CREBBP: variants seen among roughly 807,000 people sequenced by gnomAD.
CREBBP encodes the protein CREB binding lysine acetyltransferase.
A neutral mutation model predicts 265.0 loss-of-function variants in CREBBP; 19 were observed. The observed-to-expected ratio is 0.07, with a 90% CI of 0.05 to 0.11. CREBBP has a LOEUF of 0.11. Ranked by LOEUF, CREBBP falls within the 10% of genes least tolerant of loss-of-function variation. The pLI is 1.00. For synonymous variants in CREBBP, 1,457 were observed against 1,223.7 expected (o/e 1.19, Z -3.98); for missense variants, 2,525 against 3,219.0 (o/e 0.78, Z 5.22).
chr16:3,879,718 C>G (rs1208206274), intron 1 of CREBBP, 114 bp downstream of exon 1: 1 of 1,148,102 alleles, frequency 8.7e-7, no homozygotes, highest in African/African-American at 1.5e-5. Flanking sequence ...GCTGCGGGGC[C>G]TGCTCCGAGC....
chr16:3,873,403 G>T (rs897014868), intron 1 of CREBBP, among the ~76,000 whole-genome samples: 3 of 152,170 alleles, frequency 2.0e-5, no homozygotes, highest in Non-Finnish European at 4.4e-5. Flanking sequence ...TCCCGGCTAT[G>T]TATCTGCTGA....
Position 3,739,658 on chromosome 16 carries a change from C to T in CREBBP, c.4200G>A (p.Glu1400=), listed in dbSNP as rs1442602590. Residue 1400 remains glutamate, a synonymous_variant, in exon 25 of 31, where the codon GAG becomes GAA. Coordinates refer to ENST00000262367, the MANE Select transcript of CREBBP (RefSeq NM_004380.3). ...AGCAGACATCCACGCCGTCAATTTC[C>T]TCAAAAGCAAACAGAGCTTTGGTTC... ...PYRTKALFAF[E]EIDGVDVCFF... 3.7e-6 allele frequency: 6 copies of T among 1,614,082 alleles called. No homozygotes were observed. The East Asian group carries it at 8.9e-5, about 24-fold the overall frequency.
intron 16 of CREBBP, among the ~76,000 whole-genome samples, chr16:3,764,059 T>G (rs1332421013): frequency 6.6e-6 from 1 of 152,156 alleles, no homozygotes; most frequent in African/African-American, 2.4e-5. Context: ...AACTCTACTG[T>G]TATCACACAC....
At chr16:3,849,196 G>A (rs1004623108) in intron 2 of CREBBP, among the ~76,000 whole-genome samples, 1 of 142,070 alleles carries the variant, frequency 7.0e-6, no homozygotes, top group Admixed American at 7.5e-5. Context: ...TGTCACTTCA[G>A]TGGGAATAGG....
intron 26 of CREBBP, among the ~76,000 whole-genome samples, chr16:3,738,196 C>T (rs1221042975): frequency 6.6e-6 from 1 of 151,416 alleles, no homozygotes; most frequent in East Asian, 1.9e-4. Flanking sequence ...AGGTCAATAA[C>T]AATGTTCTGA....
At chr16:3,814,246 T>A (rs1434326235) in intron 2 of CREBBP, among the ~76,000 whole-genome samples, 2 of 149,990 alleles carry the variant, frequency 1.3e-5, no homozygotes, top group African/African-American at 4.9e-5. Context: ...TGTGTGTGTG[T>A]GTGTGTGTGT....
intron 7 of CREBBP, 109 bp from the exon 8 acceptor site, chr16:3,780,987 G>T: frequency 7.8e-7 from 1 of 1,276,124 alleles, no homozygotes; most frequent in Non-Finnish European, 1.1e-6. Flanking sequence ...TTTAAGTCAG[G>T]AGAGCCAAGT....
chr16:3,849,454 T>TGTGTGTG lies in CREBBP; in HGVS notation c.798+836_798+842dup, dbSNP rs1567360843. On this transcript the variant is annotated intron_variant, in intron 2 of 30. Coordinates refer to ENST00000262367, the MANE Select transcript of CREBBP (RefSeq NM_004380.3). ...GTGTGTGTGTGTGTGTGTGTGTGTG[T>TGTGTGTG]GTGTGTGTGTGTGTGTGTGTGTGTG... Among the ~76,000 whole-genome samples, 10 of 90,324 alleles carry TGTGTGTG rather than the reference T, an allele frequency of 1.1e-4. 1 individual carries two copies. Among genetic ancestry groups the TGTGTGTG allele is most frequent in the Non-Finnish European group, 2.1e-4 (8 of 37,728 alleles). 59.3% of individuals were successfully genotyped at this position (90,324 alleles called of 152,430 possible).
chr16:3,849,196 G>C (rs1004623108), intron 2 of CREBBP, among the ~76,000 whole-genome samples: 1 of 142,070 alleles, frequency 7.0e-6, no homozygotes, highest in Non-Finnish European at 1.5e-5. Context: ...TGTCACTTCA[G>C]TGGGAATAGG....
chr16:3,729,071 C>A lies in CREBBP; in HGVS notation c.5976G>T (p.Gly1992=). ...TCAGGCTCACGGGGGCCATCTGGCTCCCCGGGGTCCCCATGCCCGTGCGTC... is the reference window on the plus strand; with the variant it reads ...TCAGGCTCACGGGGGCCATCTGGCTACCCGGGGTCCCCATGCCCGTGCGTC... The part of the protein sequence containing the change: ...PPGRTGMGTP[G]SQMAPVSLNV... Residue 1992 remains glycine, a synonymous_variant, in exon 31 of 31, where the codon GGG becomes GGT. Coordinates refer to ENST00000262367, the MANE Select transcript of CREBBP (RefSeq NM_004380.3). The A allele has an allele frequency of 6.3e-7, 1 of 1,583,326 alleles. No homozygotes were observed. Among genetic ancestry groups the A allele is most frequent in the African/African-American group, 1.3e-5 (1 of 74,484 alleles).
intron 1 of CREBBP, among the ~76,000 whole-genome samples, chr16:3,861,684 T>C (rs1423961989): frequency 2.0e-5 from 3 of 149,378 alleles, no homozygotes; most frequent in Non-Finnish European, 4.4e-5. Flanking sequence ...AGAGAAAAGC[T>C]GTTTTATTAA....
chr16:3,838,954 C>A (rs190529536), intron 2 of CREBBP, among the ~76,000 whole-genome samples: 1 of 152,296 alleles, frequency 6.6e-6, no homozygotes, highest in East Asian at 1.9e-4. Flanking sequence ...TGGCACAGCA[C>A]CTCGCTAGTT....
chr16:3,786,706 G>C (rs551197443), intron 5 of CREBBP, among the ~76,000 whole-genome samples: 1 of 152,262 alleles, frequency 6.6e-6, no homozygotes, highest in South Asian at 2.1e-4. Flanking sequence ...GAGTCCACCT[G>C]GTTTTGGTAT....
At chr16:3,763,339 T>C (rs558473727) in intron 16 of CREBBP, among the ~76,000 whole-genome samples, 2 of 152,194 alleles carry the variant, frequency 1.3e-5, no homozygotes, top group African/African-American at 4.8e-5. Flanking sequence ...CTTATTTTTT[T>C]CTACAGAGAC....
chr16:3,777,474 T>C lies in CREBBP; in HGVS notation c.2158+139A>G, dbSNP rs1489674983. The C allele has an allele frequency of 6.7e-6, 6 of 902,212 alleles. No homozygotes were observed. The East Asian group carries it at 9.9e-5, about 15-fold the overall frequency. 55.9% of individuals were successfully genotyped at this position (902,212 alleles called of 1,614,324 possible). A position where few individuals can be genotyped will look rare whatever the true frequency, so the allele number is the denominator to read the frequency against. ...AACATATCCATACTACCTGTAGAAC[T>C]GAATTCTGCTTATCAGCAAAAAGGA... On this transcript the variant is annotated intron_variant, in intron 11 of 30. Transcript: ENST00000262367.
intron 2 of CREBBP, among the ~76,000 whole-genome samples, chr16:3,828,265 T>C (rs1304871889): frequency 6.6e-6 from 1 of 152,152 alleles, no homozygotes; most frequent in Non-Finnish European, 1.5e-5. Context: ...GCTAATTTTG[T>C]ATTTTGAGTA....
At chr16:3,866,661 G>GA (rs947727675) in intron 1 of CREBBP, among the ~76,000 whole-genome samples, 6 of 149,186 alleles carry the variant, frequency 4.0e-5, no homozygotes, top group Admixed American at 1.3e-4. Flanking sequence ...TGCTTTGTTT[G>GA]AAAAAAAACC....
At chr16:3,828,312 G>T (rs997562416) in intron 2 of CREBBP, among the ~76,000 whole-genome samples, 1 of 152,068 alleles carries the variant, frequency 6.6e-6, no homozygotes, top group Non-Finnish European at 1.5e-5. Flanking sequence ...GGCTGGTCTC[G>T]AACTCACGAC....
chr16:3,752,189 G>A (rs896834964), intron 19 of CREBBP, among the ~76,000 whole-genome samples: 4 of 152,200 alleles, frequency 2.6e-5, no homozygotes, highest in African/African-American at 9.7e-5. Flanking sequence ...TACTAGAATT[G>A]CATGGAGCCC....
Sources: allele counts gnomAD v4.1 joint callset (sites outside exome capture counted in the v4.1 genomes callset), GRCh38; gene constraint gnomAD v4.1.1; transcripts MANE v1.5; gene names NCBI Gene and HGNC (gene_info 2026-07-23, HGNC 2026-07-21).